The following RGS6 variants were observed in gnomAD, a reference collection of about 807,000 sequenced individuals.
RGS6 encodes regulator of G protein signaling 6, also known as regulator of G-protein signaling 6.
In RGS6, 30 loss-of-function variants were observed where a neutral mutation model predicts 78.5. The ratio of observed to expected loss-of-function variants is 0.38; its 90% CI spans 0.29 to 0.52. The LOEUF (loss-of-function observed/expected upper bound fraction) is 0.52. Among genes scored for constraint, RGS6 ranks in the 20% least tolerant of loss-of-function variants. The pLI, the probability that RGS6 is intolerant of heterozygous loss-of-function variation, is 0.85. For synonymous variants in RGS6, 206 were observed against 206.0 expected (o/e 1.00, Z 0.00); for missense variants, 495 against 609.7 (o/e 0.81, Z 1.98).
intron 2 of RGS6, among the ~76,000 whole-genome samples, chr14:72,276,072 G>T (rs1211446461): frequency 6.6e-6 from 1 of 152,188 alleles, no homozygotes; most frequent in Admixed American, 6.5e-5. Context: ...AGGGTGTGCT[G>T]CTGGGTACAT....
chr14:71,920,298 G>T, the RGS6 span, among the ~76,000 whole-genome samples: 1 of 152,176 alleles, frequency 6.6e-6, no homozygotes, highest in African/African-American at 2.4e-5. Context: ...ATCTACTAAA[G>T]GCTCTACTTT....
intron 2 of RGS6, among the ~76,000 whole-genome samples, chr14:72,159,623 G>A (rs1009838435): frequency 4.6e-5 from 7 of 152,170 alleles, no homozygotes; most frequent in African/African-American, 1.7e-4. Flanking sequence ...CCAGTCATGT[G>A]CCAGCACTGC....
chr14:72,069,771 C>T (rs1200102128), intron 2 of RGS6, among the ~76,000 whole-genome samples: 1 of 152,102 alleles, frequency 6.6e-6, no homozygotes, highest in Non-Finnish European at 1.5e-5. Context: ...AACTCCTGGG[C>T]TCCAGCAATC....
chr14:72,047,892 ATTTTTGTTT>A (rs1375282533), intron 2 of RGS6, among the ~76,000 whole-genome samples: 1 of 83,448 alleles, frequency 1.2e-5, no homozygotes, highest in Non-Finnish European at 2.2e-5. Context: ...TGCCCAGCTA[ATTTTTGTTT>A]TTTTTTTTTT....
the RGS6 span, among the ~76,000 whole-genome samples, chr14:72,597,107 C>T: frequency 6.6e-6 from 1 of 151,996 alleles, no homozygotes; most frequent in African/African-American, 2.4e-5. Context: ...GATGTGGTGG[C>T]GTGCACCTGT....
chr14:72,183,607 G>A (rs1392767281), intron 2 of RGS6, among the ~76,000 whole-genome samples: 1 of 152,118 alleles, frequency 6.6e-6, no homozygotes, highest in Non-Finnish European at 1.5e-5. Flanking sequence ...ATTACAGCAG[G>A]GGGACATTGT....
chr14:72,410,338 A>T (rs1457312184), intron 3 of RGS6, among the ~76,000 whole-genome samples: 2 of 152,080 alleles, frequency 1.3e-5, no homozygotes, highest in Non-Finnish European at 2.9e-5. Context: ...GCATTTTTTC[A>T]TGTGTTCTTT....
upstream of RGS6, among the ~76,000 whole-genome samples, chr14:71,931,855 A>G (rs2087891148): frequency 6.6e-6 from 1 of 152,172 alleles, no homozygotes; most frequent in Non-Finnish European, 1.5e-5. Flanking sequence ...GTTCTTTTGT[A>G]GTGTTCCAGA....
chr14:71,878,493 A>T, the RGS6 span, among the ~76,000 whole-genome samples: 3 of 152,172 alleles, frequency 2.0e-5, no homozygotes, highest in Non-Finnish European at 4.4e-5. Context: ...CAGGCACGGG[A>T]TATAATCTCC....
chr14:72,325,817 A>G (rs2073591567), intron 2 of RGS6, among the ~76,000 whole-genome samples: 1 of 152,140 alleles, frequency 6.6e-6, no homozygotes, highest in African/African-American at 2.4e-5. Context: ...GTATATTAAG[A>G]CTACTGAGAG....
intron 1 of RGS6, among the ~76,000 whole-genome samples, chr14:71,949,349 A>T (rs2092010923): frequency 6.6e-6 from 1 of 152,090 alleles, no homozygotes; most frequent in Non-Finnish European, 1.5e-5. Context: ...AAATGTTTGA[A>T]TTTTAGCCAT....
In RGS6 at chr14:71,948,738, CTCTTTTTTTTTTT is replaced by C. The variant is rs1291452244; in HGVS notation, c.-21+15799_-21+15811del. Among the ~76,000 whole-genome samples the C allele has an allele frequency of 9.3e-5, 7 of 75,238 alleles. No homozygotes were observed. The East Asian group carries it at 2.8e-3, about 30-fold the overall frequency. 49.4% of individuals were successfully genotyped at this position (75,238 alleles called of 152,430 possible). On this transcript the variant is annotated intron_variant, in intron 1 of 17. Coordinates refer to ENST00000553525, the MANE Select transcript of RGS6 (RefSeq NM_001204424.2). ...AAGCTGATTTCCTTTCTCTCTCTCTCTCTTTTTTTTTTTTTTTTTTTTTTTTTTAAAGAGATGA... is the reference window on the plus strand; with the variant it reads ...AAGCTGATTTCCTTTCTCTCTCTCTCTTTTTTTTTTTTTTTAAAGAGATGA...
intron 2 of RGS6, among the ~76,000 whole-genome samples, chr14:72,253,933 TCTGCTCA>T (rs1467345945): frequency 1.3e-5 from 2 of 152,226 alleles, no homozygotes; most frequent in Admixed American, 6.5e-5. Context: ...GGGCACCACC[TCTGCTCA>T]CTGCCATCCC....
intron 2 of RGS6, among the ~76,000 whole-genome samples, chr14:72,167,821 A>G (rs1192726144): frequency 6.6e-6 from 1 of 152,206 alleles, no homozygotes; most frequent in Non-Finnish European, 1.5e-5. Context: ...AATAGCTAAT[A>G]TTAAATAGCT....
chr14:72,428,039 T>C (rs2094496030), intron 3 of RGS6, among the ~76,000 whole-genome samples: 1 of 152,070 alleles, frequency 6.6e-6, no homozygotes, highest in Admixed American at 6.5e-5. Flanking sequence ...TGGAAGTCAG[T>C]GAAGACCAAG....
the RGS6 span, among the ~76,000 whole-genome samples, chr14:71,925,350 C>T: frequency 2.0e-5 from 3 of 152,266 alleles, no homozygotes; most frequent in South Asian, 4.1e-4. Context: ...CCTCCCATTC[C>T]GTAGGTTGCC....
At chr14:72,013,625 C>T (rs1019129782) in intron 2 of RGS6, among the ~76,000 whole-genome samples, 6 of 152,190 alleles carry the variant, frequency 3.9e-5, no homozygotes, top group African/African-American at 1.2e-4. Context: ...TATTTGTGTA[C>T]AGATCCAGCT....
At chr14:72,222,197 C>T (rs1442820816) in intron 2 of RGS6, among the ~76,000 whole-genome samples, 1 of 152,128 alleles carries the variant, frequency 6.6e-6, no homozygotes, top group Non-Finnish European at 1.5e-5. Flanking sequence ...AGTACTCCAC[C>T]CCCACCTCCA....
intron 3 of RGS6, among the ~76,000 whole-genome samples, chr14:72,424,205 T>A (rs2153119827): frequency 6.6e-6 from 1 of 152,332 alleles, no homozygotes; most frequent in East Asian, 1.9e-4. Context: ...AGGCCAAGTA[T>A]TCTGTCCTAT....
Sources: allele counts gnomAD v4.1 joint callset (sites outside exome capture counted in the v4.1 genomes callset), GRCh38; gene constraint gnomAD v4.1.1; transcripts MANE v1.5; gene names NCBI Gene and HGNC (gene_info 2026-07-23, HGNC 2026-07-21).